The following C1QTNF8 variants were observed in gnomAD, a reference collection of about 807,000 sequenced individuals.
C1QTNF8 encodes C1q and TNF related 8, also known as complement C1q tumor necrosis factor-related protein 8.
In C1QTNF8, 27 loss-of-function variants were observed where a neutral mutation model predicts 19.2. That is an observed-to-expected ratio of 1.41 (90% confidence interval 1.04 to 1.94). C1QTNF8 has a LOEUF of 1.94. Ranked by LOEUF, C1QTNF8 falls within the 30% of genes most tolerant of loss-of-function variation. The probability of loss-of-function intolerance (pLI) is 0.00; values close to 1 mark genes in which losing one functional copy is unlikely to be tolerated. For synonymous variants in C1QTNF8, 208 were observed against 172.8 expected (o/e 1.20, Z -1.60); for missense variants, 484 against 374.4 (o/e 1.29, Z -2.42).
Position 1,094,778 on chromosome 16 carries a change from T to C in C1QTNF8, c.145A>G (p.Arg49Gly). The C allele has an allele frequency of 6.5e-7, 1 of 1,541,938 alleles. No individual in the cohort carries two copies. The highest frequency in any genetic ancestry group is 8.7e-7 in the Non-Finnish European group (1 of 1,146,200). Residue 49 changes from arginine to glycine, a missense_variant, in exon 3 of 5, where the codon AGG becomes GGG. Transcript: ENST00000328449. ...YARVSDRDLW[R>G]GDLWRGLPRV... ...GGCAGCCCCCTCCACAGGTCCCCCC[T>C]CCACAGGTCCCTGTCACTCACCCGG...
Position 1,088,484 on chromosome 16 carries a change from C to T in C1QTNF8, c.*2115G>A, listed in dbSNP as rs1438294458. Among the ~76,000 whole-genome samples, 1 of 152,228 alleles carries T rather than the reference C, an allele frequency of 6.6e-6. No homozygotes were observed. Among genetic ancestry groups the T allele is most frequent in the African/African-American group, 2.4e-5 (1 of 41,454 alleles). On this transcript the variant is annotated 3_prime_UTR_variant, in exon 5 of 5. Transcript: ENST00000328449. ...CCAGGGCAGCACGAGGCTGTCGCTGCTTTTCGTGTCTCTGGCCTCTACCAA... is the reference window on the plus strand; with the variant it reads ...CCAGGGCAGCACGAGGCTGTCGCTGTTTTTCGTGTCTCTGGCCTCTACCAA...
rs181922788 is a variant in C1QTNF8, at chr16:1,088,265, G to A, written c.*2334C>T. 8.5e-4 allele frequency among the ~76,000 whole-genome samples: 130 copies of A among 152,336 alleles called. No individual in the cohort carries two copies. The highest frequency in any genetic ancestry group is 3.0e-3 in the African/African-American group (125 of 41,576). ...GATTTTTACTGGAATTCCACTAAAC[G>A]GATAAAGTTACATGGGATAAGCTGC... On this transcript the variant is annotated 3_prime_UTR_variant, in exon 5 of 5. Coordinates refer to ENST00000328449, the MANE Select transcript of C1QTNF8 (RefSeq NM_207419.3).
At position 1,090,459 on chromosome 16, in the gene C1QTNF8, C is replaced by G. The variant is rs1960522354; in HGVS notation, c.*140G>C. On this transcript the variant is annotated 3_prime_UTR_variant, in exon 5 of 5. Coordinates refer to ENST00000328449, the MANE Select transcript of C1QTNF8 (RefSeq NM_207419.3). The stretch of plus-strand genomic sequence containing the variant: ...TGGCTCCAGCACACACACGCGGGTT[C>G]TGCAGACTCTGGCCGGGCCTCAGAG... 6.6e-6 allele frequency: 1 copy of G among 152,368 alleles called. No individual in the cohort carries two copies. The highest frequency in any genetic ancestry group is 1.5e-5 in the Non-Finnish European group (1 of 68,170). 9.4% of individuals were successfully genotyped at this position (152,368 alleles called of 1,614,324 possible).
At position 1,088,649 on chromosome 16, in the gene C1QTNF8, G is replaced by A. The variant is rs921146344; in HGVS notation, c.*1950C>T. Among the ~76,000 whole-genome samples, 3 of 152,228 alleles carry A rather than the reference G, an allele frequency of 2.0e-5. No individual in the cohort carries two copies. The highest frequency in any genetic ancestry group is 1.9e-4 in the East Asian group (1 of 5,180). ...AAACAAATAAACCTGGAAGGTTGGC[G>A]GGATGCAGGTCCTGCTGTCTGAGGC... On this transcript the variant is annotated 3_prime_UTR_variant, in exon 5 of 5. Transcript: ENST00000328449.
rs1270443213 is a variant in C1QTNF8 at position 1,093,706 on chromosome 16, T to C, written c.554A>G (p.Asn185Ser). 1.9e-6 allele frequency: 3 copies of C among 1,611,424 alleles called. No homozygotes were observed. Among genetic ancestry groups the C allele is most frequent in the Non-Finnish European group, 2.5e-6 (3 of 1,179,204 alleles). ...GTAGAGCACGGCCGCGGGCCGCCGG[T>C]TCAGCATGATGTGCAGGTAGGTCTC... The part of the protein sequence containing the change: ...YKETYLHIML[N>S]RRPAAVLYAQ... Residue 185 changes from asparagine (N) to serine (S), a missense_variant, in exon 4 of 5, where the codon AAC becomes AGC. Transcript: ENST00000328449.
At chr16:1,092,697 C>G (rs111525619) in intron 4 of C1QTNF8, among the ~76,000 whole-genome samples, 1,040 of 47,936 alleles carry the variant, frequency 0.022, 3 homozygotes, top group African/African-American at 0.096. Context: ...CAACCAATCC[C>G]TGCACACAGT....
rs1167534193 is a variant in C1QTNF8, at chr16:1,093,550, A to C, written c.710T>G (p.Leu237Arg). 6.3e-7 allele frequency: 1 copy of C among 1,586,046 alleles called. No homozygotes were observed. Among genetic ancestry groups the C allele is most frequent in the African/African-American group, 1.3e-5 (1 of 74,172 alleles). Residue 237 changes from leucine (L) to arginine (R), a missense_variant, in exon 4 of 5, where the codon CTC becomes CGC. Coordinates refer to ENST00000328449, the MANE Select transcript of C1QTNF8 (RefSeq NM_207419.3). ...DNAIYGEHGD[L>R]YITFSGHLVK... Reference sequence around the variant, plus strand: ...CAGGTGGCCGCTGAAGGTGATGTAGAGGTCTCCGTGCTCGCCGTAGATGGC... The same window carrying C: ...CAGGTGGCCGCTGAAGGTGATGTAGCGGTCTCCGTGCTCGCCGTAGATGGC...
rs949487091 is a variant in C1QTNF8, at chr16:1,089,814, C to A, written c.*785G>T. 6.6e-6 allele frequency among the ~76,000 whole-genome samples: 1 copy of A among 152,202 alleles called. No homozygotes were observed. Among genetic ancestry groups the A allele is most frequent in the Non-Finnish European group, 1.5e-5 (1 of 68,028 alleles). The stretch of plus-strand genomic sequence containing the variant: ...GGCCTGGGGTCTGCCAATCTCCCCT[C>A]GGCCCACCCCTTCCTGTTCGGGCGC... On this transcript the variant is annotated 3_prime_UTR_variant, in exon 5 of 5. Coordinates refer to ENST00000328449, the MANE Select transcript of C1QTNF8 (RefSeq NM_207419.3).
rs778673645 is a variant in C1QTNF8 at position 1,093,704 on chromosome 16, G to C, written c.556C>G (p.Arg186Gly). Reference sequence around the variant, plus strand: ...GCGTAGAGCACGGCCGCGGGCCGCCGGTTCAGCATGATGTGCAGGTAGGTC... The same window carrying C: ...GCGTAGAGCACGGCCGCGGGCCGCCCGTTCAGCATGATGTGCAGGTAGGTC... ...KETYLHIMLN[R>G]RPAAVLYAQP... Residue 186 changes from arginine (R) to glycine (G), a missense_variant, in exon 4 of 5, where the codon CGG becomes GGG. Transcript: ENST00000328449. 2.5e-6 allele frequency: 4 copies of C among 1,611,512 alleles called. No homozygotes were observed. Among genetic ancestry groups the C allele is most frequent in the Admixed American group, 1.7e-5 (1 of 59,816 alleles).
Position 1,093,512 on chromosome 16 carries a change from C to T in C1QTNF8, c.748G>A (p.Ala250Thr), listed in dbSNP as rs934832679. 4.6e-5 allele frequency: 70 copies of T among 1,535,908 alleles called. No homozygotes were observed. Among genetic ancestry groups the T allele is most frequent in the Non-Finnish European group, 5.7e-5 (65 of 1,140,126 alleles). ...TFSGHLVKPAAEL is the reference protein window; with the variant it reads ...TFSGHLVKPATEL ...GGCCCCTCACCCGGCTACAGCTCGG[C>T]GGCCGGCTTGACCAGGTGGCCGCTG... The change falls in exon 4 of 5, where the codon GCC (alanine) becomes ACC (threonine). Residue 250 changes from alanine to threonine, a missense_variant. Coordinates refer to ENST00000328449, the MANE Select transcript of C1QTNF8 (RefSeq NM_207419.3).
At position 1,093,787 on chromosome 16, in the gene C1QTNF8, C is replaced by T. The variant is rs768886343; in HGVS notation, c.473G>A (p.Cys158Tyr). The T allele has an allele frequency of 3.7e-6, 6 of 1,611,842 alleles. No homozygotes were observed. The African/African-American group carries it at 5.3e-5, about 14-fold the overall frequency. ...GAGGAAGTAGACGCCGGGCACCGTG[C>T]AGAGGAAGCGGCCCGCGGCCAGGTC... is the stretch of plus-strand genomic sequence containing the variant. ...AFDLAAGRFLCTVPGVYFLSL... is the reference protein window; with the variant it reads ...AFDLAAGRFLYTVPGVYFLSL... The change falls in exon 4 of 5, where the codon TGC becomes TAC. Residue 158 changes from cysteine to tyrosine, a missense_variant. Physicochemically the swap from Cys to Tyr is radical, Grantham distance 194. Transcript: ENST00000328449.
intron 1 of C1QTNF8, 108 bp downstream of exon 1, chr16:1,096,048 T>C (rs1465904940): frequency 6.6e-6 from 1 of 152,226 alleles, no homozygotes. Context: ...TGGATCATGC[T>C]CCGCTGGGGT....
intron 4 of C1QTNF8, among the ~76,000 whole-genome samples, chr16:1,091,402 G>A (rs1371503192): frequency 6.6e-6 from 1 of 152,168 alleles, no homozygotes; most frequent in Non-Finnish European, 1.5e-5. Flanking sequence ...GGGAGGCTGG[G>A]CCGGAGGGGC....
chr16:1,093,421 CA>C, intron 4 of C1QTNF8, 75 bp downstream of exon 4: 1 of 1,020,510 alleles, frequency 9.8e-7, no homozygotes, highest in African/African-American at 2.3e-5. Context: ...CACCCACACC[CA>C]CCCCCACACA....
chr16:1,095,411 C>T (rs1433326679), intron 2 of C1QTNF8, among the ~76,000 whole-genome samples: 1 of 152,174 alleles, frequency 6.6e-6, no homozygotes, highest in Non-Finnish European at 1.5e-5. Flanking sequence ...CCCAGAGAGC[C>T]TCTCGTCCGG....
At position 1,093,297 on chromosome 16, in the gene C1QTNF8, G is replaced by GGCGCTCAACCAATCCCTGCACACAGTCA. The variant is rs1960596622; in HGVS notation, c.*4+172_*4+199dup. Among the ~76,000 whole-genome samples, 759 of 138,220 alleles carry GGCGCTCAACCAATCCCTGCACACAGTCA rather than the reference G, an allele frequency of 5.5e-3. 23 individuals carry two copies. Among genetic ancestry groups the GGCGCTCAACCAATCCCTGCACACAGTCA allele is most frequent in the African/African-American group, 0.022 (717 of 32,524 alleles). 90.7% of individuals were successfully genotyped at this position (138,220 alleles called of 152,430 possible). A position where few individuals can be genotyped will look rare whatever the true frequency, so the allele number is the denominator to read the frequency against. ...GCTCAACAAATCACTGCACACAGTC[G>GGCGCTCAACCAATCCCTGCACACAGTCA]GCGCTCAACCAATCCCTGCACACAG... On this transcript the variant is annotated intron_variant, in intron 4 of 4. Transcript: ENST00000328449.
intron 4 of C1QTNF8, 54 bp downstream of exon 4, chr16:1,093,437 CACACAG>C (rs1960603409): frequency 2.4e-6 from 3 of 1,225,434 alleles, no homozygotes; most frequent in African/African-American, 2.1e-5. Flanking sequence ...CACACACACA[CACACAG>C]ACACACACAC....
chr16:1,091,427 G>A (rs1039888413), intron 4 of C1QTNF8, among the ~76,000 whole-genome samples: 6 of 152,178 alleles, frequency 3.9e-5, no homozygotes, highest in Non-Finnish European at 7.3e-5. Context: ...AAGAGGGGGA[G>A]GGAGGCCCAG....
chr16:1,093,823 T>C lies in C1QTNF8; in HGVS notation c.437A>G (p.Asp146Gly), dbSNP rs1485167254. ...GCCCGCGGCCAGGTCGAAGGCGCCG[T>C]CCAGGTTCACCAGCTCCGTGTCGAA... ...VPFDTELVNL[D>G]GAFDLAAGRF... The change falls in exon 4 of 5, where the codon GAC (aspartate) becomes GGC (glycine). Residue 146 changes from aspartate to glycine, a missense_variant. Physicochemically the swap from Asp to Gly is moderately conservative, Grantham distance 94 (BLOSUM62 -1). Transcript: ENST00000328449. 6.2e-7 allele frequency: 1 copy of C among 1,609,390 alleles called. No homozygotes were observed. The highest frequency in any genetic ancestry group is 1.7e-5 in the Admixed American group (1 of 59,984).
Sources: gnomAD v4.1 joint callset for allele counts (sites outside exome capture counted in the v4.1 genomes callset) on GRCh38, gnomAD v4.1.1 for gene constraint, MANE v1.5 for transcripts, NCBI Gene and HGNC (gene_info 2026-07-23, HGNC 2026-07-21) for gene names.